Variants in FLNB observed in about 807,000 individuals in gnomAD.
FLNB encodes the protein filamin B.
Under a neutral mutation model 250.6 loss-of-function variants are expected in FLNB, and 111 were observed. That is an observed-to-expected ratio of 0.44 (90% CI 0.38 to 0.52). FLNB has a LOEUF of 0.52. FLNB is among the 20% of genes least tolerant of loss of function. The probability of loss-of-function intolerance (pLI) is 0.00; values close to 1 mark genes in which losing one functional copy is unlikely to be tolerated. For synonymous variants in FLNB, 1,302 were observed against 1,372.1 expected, an observed-to-expected ratio of 0.95 and a Z score of 1.13; for missense variants, 2,869 against 3,447.8, an observed-to-expected ratio of 0.83 and a Z score of 4.20.
intron 6 of FLNB, among the ~76,000 whole-genome samples, chr3:58,096,999 T>C (rs948154051): frequency 1.3e-5 from 2 of 151,108 alleles, no homozygotes; most frequent in African/African-American, 4.8e-5. Flanking sequence ...GAGTTCTGTT[T>C]GAGATGACAT....
At position 58,130,886 on chromosome 3, in the gene FLNB, A is replaced by G; in HGVS notation, c.4368A>G (p.Glu1456=). 1.2e-6 allele frequency: 2 copies of G among 1,612,386 alleles called. No homozygotes were observed. Among genetic ancestry groups the G allele is most frequent in the Non-Finnish European group, 1.7e-6 (2 of 1,179,598 alleles). ...DSSKAGLAPL[E]VRVLGPRGLV... ...GCAAGGCTGGCCTGGCTCCGCTGGA[A>G]GTGAGGGTTCTGGGCCCACGAGGTA... is the stretch of plus-strand genomic sequence containing the variant. The change falls in exon 25 of 46, where the codon GAA becomes GAG. Residue 1456 remains glutamate (E), a synonymous_variant. Transcript: ENST00000295956.
In FLNB at chr3:58,121,605, T is replaced by C. The variant is rs866151963; in HGVS notation, c.3126+102T>C. On this transcript the variant is annotated intron_variant, in intron 20 of 45. Coordinates refer to ENST00000295956, the MANE Select transcript of FLNB (RefSeq NM_001457.4). The stretch of plus-strand genomic sequence containing the variant: ...TGGCAAAGACCTTCTGAAAATCGTT[T>C]TGTGATGAAAGTTAGCACAATTCAC... 44 of 1,501,958 alleles carry C rather than the reference T, an allele frequency of 2.9e-5. No homozygotes were observed. In the Middle Eastern group the frequency reaches 2.6e-3, roughly 89 times the overall value. The allele number at this position is 1,501,958 out of a possible 1,614,324, so 93.0% of individuals were successfully genotyped here.
chr3:58,061,216 C>G (rs937025122), intron 1 of FLNB, among the ~76,000 whole-genome samples: 1 of 152,178 alleles, frequency 6.6e-6, no homozygotes, highest in African/African-American at 2.4e-5. Flanking sequence ...AAGAGACAGT[C>G]TGTACATAGA....
chr3:58,142,860 C>A lies in FLNB; in HGVS notation c.5284+108C>A. 2 of 947,294 alleles carry A rather than the reference C, an allele frequency of 2.1e-6. No individual in the cohort carries two copies. Among genetic ancestry groups the A allele is most frequent in the Non-Finnish European group, 3.4e-6 (2 of 594,118 alleles). The allele number at this position is 947,294 out of a possible 1,614,324, so 58.7% of individuals were successfully genotyped here. ...GTCCCCCAGACCCAGGCTCCTTAACCCAGGGTCACGAGTTCTTGGTCTCCG... is the reference window on the plus strand; with the variant it reads ...GTCCCCCAGACCCAGGCTCCTTAACACAGGGTCACGAGTTCTTGGTCTCCG... On this transcript the variant is annotated intron_variant, in intron 31 of 45. Transcript: ENST00000295956. The surrounding 1 kb of genome is among the most constrained non-coding windows in gnomAD (Gnocchi z 4.3).
intron 18 of FLNB, among the ~76,000 whole-genome samples, chr3:58,115,245 G>A (rs995501901): frequency 1.3e-5 from 2 of 152,114 alleles, no homozygotes; most frequent in Admixed American, 6.5e-5. Context: ...GGTGCACCAC[G>A]CTGAATCTTC....
chr3:58,063,676 T>G (rs2097181520), intron 1 of FLNB, among the ~76,000 whole-genome samples: 1 of 152,210 alleles, frequency 6.6e-6, no homozygotes, highest in Non-Finnish European at 1.5e-5. Context: ...ATTAGGAGTT[T>G]TGTTCCCTTT....
At chr3:58,046,079 C>T (rs1482993896) in intron 1 of FLNB, among the ~76,000 whole-genome samples, 1 of 151,142 alleles carries the variant, frequency 6.6e-6, no homozygotes, top group Non-Finnish European at 1.5e-5. Context: ...GCCTTCTGGT[C>T]CAGCCAGGTT....
intron 1 of FLNB, among the ~76,000 whole-genome samples, chr3:58,046,654 TGG>T (rs1324796854): frequency 1.3e-5 from 2 of 152,176 alleles, no homozygotes; most frequent in Admixed American, 6.5e-5. Context: ...TTCACCATTT[TGG>T]TCAGGCTGGT....
At chr3:58,013,224 G>A (rs948764877) in intron 1 of FLNB, among the ~76,000 whole-genome samples, 2 of 152,226 alleles carry the variant, frequency 1.3e-5, no homozygotes, top group African/African-American at 4.8e-5. Flanking sequence ...TGGGTGGTGT[G>A]TTTTGTTTTG....
intron 20 of FLNB, among the ~76,000 whole-genome samples, chr3:58,121,950 A>T (rs997525533): frequency 4.0e-5 from 6 of 151,876 alleles, no homozygotes; most frequent in African/African-American, 1.2e-4. Context: ...CGGGCGGATC[A>T]TGAGGTCAGG....
At chr3:58,084,469 T>C (rs1348117352) in intron 4 of FLNB, among the ~76,000 whole-genome samples, 1 of 152,232 alleles carries the variant, frequency 6.6e-6, no homozygotes. Context: ...TCACTTGTTA[T>C]GGTTCAGGAA....
intron 25 of FLNB, 167 bp from the exon 26 acceptor site, chr3:58,132,641 T>C: frequency 1.3e-6 from 1 of 791,416 alleles, no homozygotes; most frequent in Non-Finnish European, 2.1e-6. Flanking sequence ...GAATTGGGGA[T>C]CCTGTGATTT....
At chr3:58,078,613 AT>A (rs2097204799) in intron 2 of FLNB, 103 bp from the exon 3 acceptor site, 3 of 1,516,908 alleles carry the variant, frequency 2.0e-6, no homozygotes, top group Middle Eastern at 1.7e-4. Flanking sequence ...GGAAAAAATC[AT>A]TCTCTGAACT....
At chr3:58,136,435 G>A (rs977513799) in intron 28 of FLNB, among the ~76,000 whole-genome samples, 2 of 152,166 alleles carry the variant, frequency 1.3e-5, no homozygotes, top group African/African-American at 4.8e-5. Flanking sequence ...CACAGTGCTA[G>A]GTACATGATA....
chr3:58,039,852 A>G (rs1217490502), intron 1 of FLNB, among the ~76,000 whole-genome samples: 1 of 152,104 alleles, frequency 6.6e-6, no homozygotes, highest in South Asian at 2.1e-4. Flanking sequence ...AGATGCGCAA[A>G]ACTAAGCCAG....
At chr3:58,136,202 G>A (rs1393109041) in intron 28 of FLNB, 34 bp downstream of exon 28, 2 of 1,610,314 alleles carry the variant, frequency 1.2e-6, no homozygotes, top group Non-Finnish European at 1.7e-6. Context: ...CAGGGGCACA[G>A]GCTTTGCAAT....
At chr3:58,033,282 C>T (rs1172341254) in intron 1 of FLNB, among the ~76,000 whole-genome samples, 1 of 152,182 alleles carries the variant, frequency 6.6e-6, no homozygotes, top group Non-Finnish European at 1.5e-5. Flanking sequence ...TGCCTTTTAT[C>T]TCTCCATGTC....
At chr3:58,059,262 T>C (rs1454824788) in intron 1 of FLNB, among the ~76,000 whole-genome samples, 1 of 152,186 alleles carries the variant, frequency 6.6e-6, no homozygotes. Flanking sequence ...GTTTATAAAA[T>C]GCAACTAATG....
At chr3:58,044,302 T>A (rs1449983093) in intron 1 of FLNB, among the ~76,000 whole-genome samples, 1 of 152,120 alleles carries the variant, frequency 6.6e-6, no homozygotes, top group Non-Finnish European at 1.5e-5. Context: ...TCCAAGATGA[T>A]GATAAATAGT....
Sources: gnomAD v4.1 joint callset for allele counts (sites outside exome capture counted in the v4.1 genomes callset) on GRCh38, gnomAD v4.1.1 for gene constraint, Gnocchi (gnomAD v3.1) non-coding constraint, MANE v1.5 for transcripts, NCBI Gene and HGNC (gene_info 2026-07-23, HGNC 2026-07-21) for gene names.